The following FAM107B variants were observed in gnomAD, a reference collection of about 807,000 sequenced individuals.
The protein encoded by FAM107B is family with sequence similarity 107 member B.
A neutral mutation model predicts 31.5 loss-of-function variants in FAM107B; 21 were observed. The ratio of observed to expected loss-of-function variants is 0.67; its 90% CI spans 0.47 to 0.96. The LOEUF (loss-of-function observed/expected upper bound fraction) is 0.96. FAM107B is among the 40% of genes least tolerant of loss of function. The probability of loss-of-function intolerance (pLI) is 0.00; values close to 1 mark genes in which losing one functional copy is unlikely to be tolerated. For synonymous variants in FAM107B, 157 were observed against 141.5 expected (o/e 1.11, Z -0.78); for missense variants, 452 against 377.1 (o/e 1.20, Z -1.64).
intron 3 of FAM107B, among the ~76,000 whole-genome samples, chr10:14,523,396 C>T (rs1399081850): frequency 6.6e-6 from 1 of 152,264 alleles, no homozygotes; most frequent in Non-Finnish European, 1.5e-5. Flanking sequence ...TAACAGCGCA[C>T]ACACACTCAT....
chr10:14,524,177 G>A (rs1845978901), intron 3 of FAM107B, among the ~76,000 whole-genome samples: 1 of 152,046 alleles, frequency 6.6e-6, no homozygotes, highest in Non-Finnish European at 1.5e-5. Flanking sequence ...GAGGAGCTGG[G>A]ATTACAGGTG....
intron 1 of FAM107B, among the ~76,000 whole-genome samples, chr10:14,743,765 T>A (rs1056301011): frequency 6.6e-6 from 1 of 152,212 alleles, no homozygotes; most frequent in Non-Finnish European, 1.5e-5. Context: ...AGCCTTGTAG[T>A]ATAGTTTGAA....
At chr10:14,571,156 G>A (rs1851189571) in intron 2 of FAM107B, among the ~76,000 whole-genome samples, 1 of 152,118 alleles carries the variant, frequency 6.6e-6, no homozygotes, top group African/African-American at 2.4e-5. Context: ...AGCAGGGAGA[G>A]TGAGAAAAAA....
intron 2 of FAM107B, among the ~76,000 whole-genome samples, chr10:14,579,073 C>A (rs1393414914): frequency 2.6e-5 from 4 of 151,964 alleles, no homozygotes; most frequent in Admixed American, 1.3e-4. Flanking sequence ...CGGTGACAAA[C>A]ACCTAGAAAA....
At chr10:14,622,818 C>T (rs574816391) in intron 2 of FAM107B, among the ~76,000 whole-genome samples, 1 of 152,336 alleles carries the variant, frequency 6.6e-6, no homozygotes, top group South Asian at 2.1e-4. Context: ...TATTTGACTG[C>T]AGGCTCACAG....
intron 1 of FAM107B, among the ~76,000 whole-genome samples, chr10:14,737,766 T>TTCTCTCTCTTTC (rs1856336909): frequency 7.9e-6 from 1 of 127,050 alleles, no homozygotes; most frequent in Non-Finnish European, 1.6e-5. Context: ...CGTGCACGCT[T>TTCTCTCTCTTTC]TCTCTCTCTC....
intron 2 of FAM107B, chr10:14,602,530 T>C (rs911802017): frequency 2.0e-5 from 3 of 152,204 alleles, no homozygotes; most frequent in African/African-American, 7.2e-5. Flanking sequence ...GGAAAACCCT[T>C]ATTTTACTTT....
intron 1 of FAM107B, among the ~76,000 whole-genome samples, chr10:14,672,938 G>A (rs1420527000): frequency 6.6e-6 from 1 of 152,204 alleles, no homozygotes; most frequent in South Asian, 2.1e-4. Context: ...AAGCAAAAAG[G>A]TAGTTTGTTG....
At chr10:14,743,302 C>A (rs910705132) in intron 1 of FAM107B, among the ~76,000 whole-genome samples, 1 of 152,094 alleles carries the variant, frequency 6.6e-6, no homozygotes, top group Non-Finnish European at 1.5e-5. Context: ...TCCCATTCTG[C>A]AAGTTGTCTG....
chr10:14,534,499 C>T (rs11817923), intron 2 of FAM107B, among the ~76,000 whole-genome samples: 14 of 152,292 alleles, frequency 9.2e-5, no homozygotes, highest in African/African-American at 3.4e-4. Flanking sequence ...TATAAGGCAA[C>T]TCTTGCGTCT....
At chr10:14,657,263 T>C (rs1272198745) in intron 2 of FAM107B, among the ~76,000 whole-genome samples, 1 of 152,190 alleles carries the variant, frequency 6.6e-6, no homozygotes, top group Non-Finnish European at 1.5e-5. Context: ...CTGAGGAGGA[T>C]GAATGACAGG....
intron 1 of FAM107B, among the ~76,000 whole-genome samples, chr10:14,728,298 C>A (rs1223270674): frequency 6.6e-6 from 1 of 151,468 alleles, no homozygotes; most frequent in African/African-American, 2.4e-5. Context: ...GATCTTTCTC[C>A]CATTTTGATT....
rs993295467 is a variant in FAM107B at position 14,626,678 on chromosome 10, T to C, written c.469+40956A>G. Among the ~76,000 whole-genome samples, 8 of 152,122 alleles carry C rather than the reference T, an allele frequency of 5.3e-5. 1 individual carries two copies. Among genetic ancestry groups the C allele is most frequent in the Admixed American group, 1.3e-4 (2 of 15,272 alleles). ...GCCACCACACCCGGCTAATTTTTTG[T>C]ATTTTTAGTAGAGATGGGGTTTCAC... On this transcript the variant is annotated intron_variant, in intron 2 of 4. Transcript: ENST00000181796.
intron 2 of FAM107B, among the ~76,000 whole-genome samples, chr10:14,610,761 G>A (rs1000452422): frequency 6.6e-6 from 1 of 152,176 alleles, no homozygotes; most frequent in Non-Finnish European, 1.5e-5. Context: ...CAGTAAAGAT[G>A]AGTATTGTCC....
intron 1 of FAM107B, among the ~76,000 whole-genome samples, chr10:14,698,212 A>G (rs1452605172): frequency 6.6e-6 from 1 of 152,226 alleles, no homozygotes; most frequent in Non-Finnish European, 1.5e-5. Context: ...CAAATCATTC[A>G]TGCAGTAGTA....
rs751644515 is a variant in FAM107B, at chr10:14,666,065, A to AGGC, written c.469+1566_469+1568dup. ...ATTTACTGAATTACTACTATGTATC[A>AGGC]GGCACTGTCCAAGGTGCTAGGGATG... On this transcript the variant is annotated intron_variant, in intron 2 of 4. Coordinates refer to ENST00000181796, the MANE Select transcript of FAM107B (RefSeq NM_031453.4). 9.2e-4 allele frequency among the ~76,000 whole-genome samples: 140 copies of AGGC among 152,192 alleles called. 1 individual carries two copies. The highest frequency in any genetic ancestry group is 1.7e-3 in the Non-Finnish European group (117 of 68,034).
intron 1 of FAM107B, among the ~76,000 whole-genome samples, chr10:14,772,358 A>ATATAT (rs1328660644): frequency 4.3e-5 from 6 of 138,142 alleles, no homozygotes; most frequent in African/African-American, 1.7e-4. Flanking sequence ...CATCTTAAAA[A>ATATAT]AAAAATATAT....
In FAM107B at chr10:14,526,664, T is replaced by C. The variant is rs563598693; in HGVS notation, c.653+3668A>G. Among the ~76,000 whole-genome samples, 14 of 152,278 alleles carry C rather than the reference T, an allele frequency of 9.2e-5. No individual in the cohort carries two copies. In the South Asian group the frequency reaches 2.3e-3, roughly 25 times the overall value. The stretch of plus-strand genomic sequence containing the variant: ...ATTTATTGAGGAACTATTCAACTAG[T>C]AAAGCATGCCAAAAGAATGTCAGCT... On this transcript the variant is annotated intron_variant, in intron 3 of 4. Coordinates refer to ENST00000181796, the MANE Select transcript of FAM107B (RefSeq NM_031453.4).
intron 2 of FAM107B, among the ~76,000 whole-genome samples, chr10:14,570,233 G>GGTGGGTGGGT (rs768204428): frequency 7.1e-6 from 1 of 140,340 alleles, no homozygotes; most frequent in African/African-American, 2.7e-5. Flanking sequence ...AAATGTGGTG[G>GGTGGGTGGGT]GTGTGTGTGT....
Sources: gnomAD v4.1 joint callset for allele counts (sites outside exome capture counted in the v4.1 genomes callset) on GRCh38, gnomAD v4.1.1 for gene constraint, MANE v1.5 for transcripts, NCBI Gene and HGNC (gene_info 2026-07-23, HGNC 2026-07-21) for gene names.